The following FGF14 variants were observed in gnomAD, a reference collection of about 807,000 sequenced individuals.
FGF14 encodes the protein fibroblast growth factor homologous factor 4.
Under a neutral mutation model 25.5 loss-of-function variants are expected in FGF14, and 5 were observed. The ratio of observed to expected loss-of-function variants is 0.20; its 90% CI spans 0.10 to 0.41. FGF14 has a LOEUF of 0.41. Among genes scored for constraint, FGF14 ranks in the 10% least tolerant of loss-of-function variants. The pLI is 1.00. For synonymous variants in FGF14, 138 were observed against 118.3 expected, an observed-to-expected ratio of 1.17 and a Z score of -1.08; for missense variants, 222 against 320.1, an observed-to-expected ratio of 0.69 and a Z score of 2.34.
chr13:102,322,958 CTT>C lies in FGF14; in HGVS notation c.208+78511_208+78512del, dbSNP rs2077598494. On this transcript the variant is annotated intron_variant, in intron 1 of 4. Transcript: ENST00000376131. Reference sequence around the variant, plus strand: ...CTAAAGAAATATCCTACTTTAACCTCTTTGATCCTTGCTTTTCTCACAAATTG... The same window carrying C: ...CTAAAGAAATATCCTACTTTAACCTCTGATCCTTGCTTTTCTCACAAATTG... 5.3e-5 allele frequency among the ~76,000 whole-genome samples: 8 copies of C among 152,194 alleles called. No homozygotes were observed. In the South Asian group the frequency reaches 1.7e-3, roughly 32 times the overall value.
chr13:102,047,631 A>C (rs1489062167), intron 1 of FGF14, among the ~76,000 whole-genome samples: 1 of 152,268 alleles, frequency 6.6e-6, no homozygotes, highest in Non-Finnish European at 1.5e-5. Flanking sequence ...TTGAACAACG[A>C]GAACACATGG....
intron 1 of FGF14, among the ~76,000 whole-genome samples, chr13:102,363,115 G>T (rs562138113): frequency 2.0e-5 from 3 of 152,004 alleles, no homozygotes; most frequent in Non-Finnish European, 4.4e-5. Context: ...TGTTTTAAGC[G>T]ATATACACAT....
intron 3 of FGF14, chr13:101,779,076 C>T (rs1035496695): frequency 3.9e-5 from 6 of 152,174 alleles, no homozygotes; most frequent in African/African-American, 7.2e-5. Flanking sequence ...GTTGTCATAA[C>T]ATATGCCCAG....
At chr13:102,276,831 G>C (rs2053574546) in intron 1 of FGF14, among the ~76,000 whole-genome samples, 2 of 152,262 alleles carry the variant, frequency 1.3e-5, no homozygotes, top group African/African-American at 4.8e-5. Flanking sequence ...AAGAGTTAGA[G>C]ATTATGAGGC....
chr13:101,972,669 CT>C (rs1003810584), intron 1 of FGF14, among the ~76,000 whole-genome samples: 2 of 135,714 alleles, frequency 1.5e-5, no homozygotes, highest in Non-Finnish European at 3.2e-5. Context: ...TGTATTTTGT[CT>C]TTTTTTTTCT....
intron 1 of FGF14, among the ~76,000 whole-genome samples, chr13:102,349,452 C>T (rs1170682064): frequency 1.3e-5 from 2 of 152,148 alleles, no homozygotes; most frequent in Non-Finnish European, 2.9e-5. Flanking sequence ...CATTCTATTG[C>T]TTACAAACCC....
chr13:102,260,052 T>G (rs1206821547), intron 1 of FGF14, among the ~76,000 whole-genome samples: 1 of 152,020 alleles, frequency 6.6e-6, no homozygotes, highest in African/African-American at 2.4e-5. Context: ...AAGCCCTTGA[T>G]CTTCAGGCAA....
chr13:102,247,172 C>G (rs1225848105), intron 1 of FGF14, among the ~76,000 whole-genome samples: 2 of 151,996 alleles, frequency 1.3e-5, no homozygotes, highest in Admixed American at 6.6e-5. Context: ...GACATAGGAA[C>G]TAGCAAAGAT....
chr13:102,366,056 G>C (rs2057702498), intron 1 of FGF14, among the ~76,000 whole-genome samples: 1 of 152,100 alleles, frequency 6.6e-6, no homozygotes, highest in Admixed American at 6.5e-5. Flanking sequence ...GAGCAAATGG[G>C]CATCAATGGT....
At chr13:102,259,840 A>G (rs2052630918) in intron 1 of FGF14, among the ~76,000 whole-genome samples, 1 of 152,224 alleles carries the variant, frequency 6.6e-6, no homozygotes, top group African/African-American at 2.4e-5. Context: ...TGATTCCAGT[A>G]CTGTTTCTAT....
At chr13:102,101,761 G>C (rs1390285272) in intron 1 of FGF14, among the ~76,000 whole-genome samples, 1 of 151,932 alleles carries the variant, frequency 6.6e-6, no homozygotes, top group Non-Finnish European at 1.5e-5. Flanking sequence ...CTGGAGTACA[G>C]TGGCATGATC....
intron 1 of FGF14, among the ~76,000 whole-genome samples, chr13:102,209,078 G>A (rs1402345415): frequency 6.6e-6 from 1 of 152,194 alleles, no homozygotes; most frequent in Non-Finnish European, 1.5e-5. Flanking sequence ...ATACACTTGC[G>A]AGGACGCGAG....
At chr13:102,043,897 T>C (rs966543588) in intron 1 of FGF14, among the ~76,000 whole-genome samples, 2 of 152,188 alleles carry the variant, frequency 1.3e-5, no homozygotes, top group Non-Finnish European at 2.9e-5. Flanking sequence ...AACTGGATTG[T>C]TGTCATGGCT....
intron 1 of FGF14, among the ~76,000 whole-genome samples, chr13:102,111,728 A>G (rs1164339368): frequency 9.2e-5 from 14 of 151,714 alleles, no homozygotes; most frequent in Non-Finnish European, 4.4e-5. Flanking sequence ...AAAGAAAAAA[A>G]AAAAAAGATA....
chr13:102,200,019 C>G (rs1361488134), intron 1 of FGF14, among the ~76,000 whole-genome samples: 1 of 152,126 alleles, frequency 6.6e-6, no homozygotes, highest in Admixed American at 6.5e-5. Flanking sequence ...GTGTTAAAAT[C>G]CTGTTTCACT....
At chr13:102,088,897 A>G (rs2044046335) in intron 1 of FGF14, among the ~76,000 whole-genome samples, 1 of 152,178 alleles carries the variant, frequency 6.6e-6, no homozygotes, top group African/African-American at 2.4e-5. Context: ...TAAAGTAGGT[A>G]CATTCTTGAT....
rs1271093364 is a variant in FGF14 at position 101,825,248 on chromosome 13, T to G, written c.408+43477A>C. Among the ~76,000 whole-genome samples the G allele has an allele frequency of 2.6e-5, 4 of 152,284 alleles. No homozygotes were observed. In the East Asian group the frequency reaches 7.7e-4, roughly 29 times the overall value. On this transcript the variant is annotated intron_variant, in intron 3 of 4. Coordinates refer to ENST00000376143, the MANE Select transcript of FGF14 (RefSeq NM_004115.4). ...AGATCTGACACTAACTCCAGGCAGA[T>G]AGTGTCTGAATTGAATTGAATCATA... is the stretch of plus-strand genomic sequence containing the variant.
At chr13:101,725,296 G>A (rs931449059) in intron 4 of FGF14, among the ~76,000 whole-genome samples, 1 of 151,968 alleles carries the variant, frequency 6.6e-6, no homozygotes, top group Non-Finnish European at 1.5e-5. Flanking sequence ...GGGAGGAACA[G>A]GGAAATCCTC....
intron 1 of FGF14, among the ~76,000 whole-genome samples, chr13:102,000,187 C>T (rs187544547): frequency 9.2e-5 from 14 of 152,176 alleles, no homozygotes; most frequent in Admixed American, 5.9e-4. Context: ...GGCCTGGTGG[C>T]GGGCACCTGT....
Sources: gnomAD v4.1 joint callset for allele counts (sites outside exome capture counted in the v4.1 genomes callset) on GRCh38, gnomAD v4.1.1 for gene constraint, MANE v1.5 for transcripts, NCBI Gene and HGNC (gene_info 2026-07-23, HGNC 2026-07-21) for gene names.